AK8: variants seen among roughly 807,000 people sequenced by gnomAD.
The protein encoded by AK8 is ATP-AMP transphosphorylase 8.
A neutral mutation model predicts 54.6 loss-of-function variants in AK8; 44 were observed. The observed-to-expected ratio is 0.81, with a 90% CI of 0.63 to 1.04. The LOEUF (loss-of-function observed/expected upper bound fraction) is 1.04. AK8 is among the 50% of genes least tolerant of loss of function. AK8 has a pLI of 0.00. For synonymous variants in AK8, 239 were observed against 245.6 expected (o/e 0.97, Z 0.25); for missense variants, 555 against 613.6 (o/e 0.90, Z 1.01).
chr9:132,794,930 G>A (rs1007426177), intron 10 of AK8, among the ~76,000 whole-genome samples: 1 of 152,158 alleles, frequency 6.6e-6, no homozygotes, highest in Non-Finnish European at 1.5e-5. Context: ...GGCTCACACC[G>A]CATTTACGAT....
intron 5 of AK8, among the ~76,000 whole-genome samples, chr9:132,831,713 G>A (rs1264866283): frequency 2.0e-5 from 3 of 152,132 alleles, no homozygotes; most frequent in Non-Finnish European, 2.9e-5. Flanking sequence ...TCACCTGATC[G>A]ACAGACACAG....
At chr9:132,793,080 C>G (rs1486187475) in intron 10 of AK8, among the ~76,000 whole-genome samples, 3 of 152,172 alleles carry the variant, frequency 2.0e-5, no homozygotes, top group Non-Finnish European at 4.4e-5. Flanking sequence ...CTGTCTTAGT[C>G]CATTTGGGCT....
chr9:132,878,421 G>T, upstream of AK8: 1 of 1,234,434 alleles, frequency 8.1e-7, no homozygotes, highest in Non-Finnish European at 1.0e-6. The surrounding 1 kb of genome is among the most constrained non-coding windows in gnomAD (Gnocchi z 4.7). Flanking sequence ...CCCGGCTGAC[G>T]CGCTCTGCGG....
chr9:132,873,410 G>A (rs754564391), intron 2 of AK8, among the ~76,000 whole-genome samples: 2 of 152,154 alleles, frequency 1.3e-5, no homozygotes, highest in African/African-American at 4.8e-5. Flanking sequence ...TGAGTGAGCT[G>A]CAGGGTCCCT....
chr9:132,857,743 C>T (rs996405997), intron 4 of AK8, among the ~76,000 whole-genome samples: 2 of 152,360 alleles, frequency 1.3e-5, no homozygotes, highest in Admixed American at 6.5e-5. Flanking sequence ...AGAGCACCGG[C>T]TGAAAGGCGG....
intron 11 of AK8, among the ~76,000 whole-genome samples, chr9:132,732,559 T>C (rs970406906): frequency 6.6e-6 from 1 of 152,082 alleles, no homozygotes; most frequent in Non-Finnish European, 1.5e-5. Flanking sequence ...GCCGGGTCTA[T>C]GAGAAGCCAC....
chr9:132,827,499 G>C (rs1177038221), intron 7 of AK8: 4 of 216,698 alleles, frequency 1.8e-5, no homozygotes, highest in Non-Finnish European at 3.7e-5. Flanking sequence ...ACCACAGCGT[G>C]AGGCCCGGAA....
At chr9:132,789,548 G>A (rs1213149532) in intron 11 of AK8, among the ~76,000 whole-genome samples, 1 of 114,942 alleles carries the variant, frequency 8.7e-6, no homozygotes, top group Non-Finnish European at 1.6e-5. Context: ...AGTGAACAGA[G>A]ATCATGCCAC....
At chr9:132,807,296 G>A (rs1224078525) in intron 10 of AK8, among the ~76,000 whole-genome samples, 1 of 152,204 alleles carries the variant, frequency 6.6e-6, no homozygotes, top group Admixed American at 6.5e-5. Context: ...CAGGAGATGT[G>A]AAAAGCTACA....
At chr9:132,804,581 G>C (rs1293776991) in intron 10 of AK8, among the ~76,000 whole-genome samples, 1 of 151,994 alleles carries the variant, frequency 6.6e-6, no homozygotes, top group Admixed American at 6.6e-5. Context: ...GTGGGAGCAG[G>C]TACATCCCTC....
intron 6 of AK8, 96 bp downstream of exon 6, chr9:132,828,549 G>T: frequency 9.2e-7 from 1 of 1,089,038 alleles, no homozygotes; most frequent in Non-Finnish European, 1.3e-6. Flanking sequence ...CGGTGCCTGG[G>T]CTGAGGTCAG....
intron 11 of AK8, among the ~76,000 whole-genome samples, chr9:132,760,588 T>A (rs1159900290): frequency 6.6e-6 from 1 of 152,180 alleles, no homozygotes; most frequent in Non-Finnish European, 1.5e-5. Flanking sequence ...TTTACTTTTC[T>A]TGTCTTTACT....
chr9:132,797,565 C>A (rs750951193), intron 10 of AK8, among the ~76,000 whole-genome samples: 1 of 151,166 alleles, frequency 6.6e-6, no homozygotes, highest in Non-Finnish European at 1.5e-5. Context: ...TGGGAGGGGT[C>A]TCTGGGGTAG....
At chr9:132,750,042 C>A (rs1010851105) in intron 11 of AK8, among the ~76,000 whole-genome samples, 3 of 147,684 alleles carry the variant, frequency 2.0e-5, no homozygotes, top group Admixed American at 2.0e-4. Context: ...GAGTTTCTGC[C>A]ATGTGTACGC....
At chr9:132,775,207 C>T (rs7039713) in intron 11 of AK8, among the ~76,000 whole-genome samples, 1 of 151,972 alleles carries the variant, frequency 6.6e-6, no homozygotes, top group African/African-American at 2.4e-5. Flanking sequence ...GACTGGGGGG[C>T]TCTTAGAAAG....
chr9:132,832,004 G>A (rs1286081925), intron 5 of AK8, among the ~76,000 whole-genome samples: 1 of 134,464 alleles, frequency 7.4e-6, no homozygotes, highest in East Asian at 2.5e-4. Context: ...TGAGGCTGCA[G>A]TGAGCTACGA....
chr9:132,854,825 G>C (rs1843112743), intron 5 of AK8, 32 bp downstream of exon 5: 2 of 1,611,142 alleles, frequency 1.2e-6, no homozygotes, highest in African/African-American at 2.7e-5. Context: ...CTTTATCTTG[G>C]CACTGAAACC....
intron 5 of AK8, among the ~76,000 whole-genome samples, chr9:132,831,181 C>T (rs898785523): frequency 4.0e-5 from 6 of 151,766 alleles, no homozygotes; most frequent in African/African-American, 1.5e-4. Flanking sequence ...TAGTAAAATA[C>T]GCTCTCCCTT....
chr9:132,841,616 G>A (rs1414458765), intron 5 of AK8, among the ~76,000 whole-genome samples: 1 of 152,204 alleles, frequency 6.6e-6, no homozygotes, highest in Non-Finnish European at 1.5e-5. Context: ...GTGGTGGCCT[G>A]TAAAATGCCA....
Sources: gnomAD v4.1 joint callset for allele counts (sites outside exome capture counted in the v4.1 genomes callset) on GRCh38, gnomAD v4.1.1 for gene constraint, Gnocchi (gnomAD v3.1) non-coding constraint, MANE v1.5 for transcripts, NCBI Gene and HGNC (gene_info 2026-07-23, HGNC 2026-07-21) for gene names.